RNF13: variants seen among roughly 807,000 people sequenced by gnomAD.
The protein encoded by RNF13 is ring finger protein 13, also known as E3 ubiquitin-protein ligase RNF13.
RNF13 carries 19 observed loss-of-function variants against 37.7 expected under a neutral mutation model. The observed-to-expected ratio is 0.50, with a 90% CI of 0.35 to 0.74. The LOEUF is 0.74. RNF13 is among the 30% of genes least tolerant of loss of function. RNF13 has a pLI of 0.01. For synonymous variants in RNF13, 144 were observed against 157.8 expected (o/e 0.91, Z 0.65); for missense variants, 375 against 453.0 (o/e 0.83, Z 1.56).
chr3:149,895,851 A>T (rs16862289), intron 5 of RNF13, among the ~76,000 whole-genome samples: 1 of 152,172 alleles, frequency 6.6e-6, no homozygotes, highest in Non-Finnish European at 1.5e-5. Flanking sequence ...TAAGAATGCC[A>T]TAGAGGGTGT....
chr3:149,823,272 T>C (rs1720171569), intron 1 of RNF13, among the ~76,000 whole-genome samples: 1 of 152,090 alleles, frequency 6.6e-6, no homozygotes, highest in African/African-American at 2.4e-5. Context: ...GAACCTACTA[T>C]AGAGTTGTGA....
At chr3:149,914,218 ATCT>A (rs1214636614) in intron 7 of RNF13, among the ~76,000 whole-genome samples, 1 of 151,702 alleles carries the variant, frequency 6.6e-6, no homozygotes, top group Non-Finnish European at 1.5e-5. Context: ...CTTGACTACT[ATCT>A]TGTACTATAA....
At chr3:149,823,999 A>G (rs1373577170) in intron 1 of RNF13, among the ~76,000 whole-genome samples, 2 of 152,212 alleles carry the variant, frequency 1.3e-5, no homozygotes, top group Non-Finnish European at 2.9e-5. Flanking sequence ...AGTACAAGGC[A>G]GGACTGGAAA....
intron 4 of RNF13, among the ~76,000 whole-genome samples, chr3:149,884,884 T>C (rs1713844417): frequency 6.6e-6 from 1 of 151,768 alleles, no homozygotes; most frequent in Admixed American, 6.6e-5. Context: ...TTTGTACCCA[T>C]TAACCATCCC....
intron 4 of RNF13, among the ~76,000 whole-genome samples, chr3:149,879,965 G>T (rs1576812027): frequency 6.6e-6 from 1 of 152,188 alleles, no homozygotes; most frequent in Admixed American, 6.5e-5. Flanking sequence ...ATTCTTGGGA[G>T]TAGAGCTTAT....
At chr3:149,899,290 A>G (rs1715576309) in intron 5 of RNF13, among the ~76,000 whole-genome samples, 2 of 152,088 alleles carry the variant, frequency 1.3e-5, no homozygotes, top group South Asian at 2.1e-4. Context: ...TACTAAATAT[A>G]TAAAAAATTA....
At chr3:149,818,453 A>T (rs1719687814) in intron 1 of RNF13, among the ~76,000 whole-genome samples, 1 of 152,156 alleles carries the variant, frequency 6.6e-6, no homozygotes, top group South Asian at 2.1e-4. Context: ...CCTTCCTCCC[A>T]GTGGAATGGC....
At chr3:149,928,556 A>G (rs1205028307) in intron 8 of RNF13, among the ~76,000 whole-genome samples, 4 of 152,056 alleles carry the variant, frequency 2.6e-5, no homozygotes, top group African/African-American at 9.7e-5. Flanking sequence ...GTCCCACACT[A>G]TTTTGATTAC....
chr3:149,921,078 C>T, intron 7 of RNF13, 56 bp from the exon 8 acceptor site: 2 of 621,606 alleles, frequency 3.2e-6, no homozygotes, highest in Non-Finnish European at 5.1e-6. Flanking sequence ...TTTTAATGGT[C>T]ACTTTCTCTT....
chr3:149,889,924 C>T (rs1159608086), intron 4 of RNF13, among the ~76,000 whole-genome samples: 2 of 152,320 alleles, frequency 1.3e-5, no homozygotes, highest in East Asian at 3.9e-4. Flanking sequence ...ATCTGCCCGC[C>T]TCAGCCTCCC....
chr3:149,844,560 A>G (rs966682866), intron 1 of RNF13, among the ~76,000 whole-genome samples: 2 of 152,228 alleles, frequency 1.3e-5, no homozygotes, highest in South Asian at 2.1e-4. Flanking sequence ...AAGTGTAGGC[A>G]CACTGAGCTG....
At chr3:149,828,418 A>G (rs1720709960) in intron 1 of RNF13, among the ~76,000 whole-genome samples, 1 of 152,250 alleles carries the variant, frequency 6.6e-6, no homozygotes. Context: ...TTTGGGAGAT[A>G]GATGACATTA....
At position 149,960,965 on chromosome 3, in the gene RNF13, CAG is replaced by C; in HGVS notation, c.1009_1010del (p.Glu337IlefsTer5). ...GAATCCCGCTCACATCAGAACATGA[CAG>C]AATCTTCAGACTATGAGGAAGACGA... On this transcript the variant is annotated frameshift_variant, in exon 10 of 10. Transcript: ENST00000392894. LOFTEE classifies it high-confidence loss of function. 1 of 1,614,186 alleles carries C rather than the reference CAG, an allele frequency of 6.2e-7. No individual in the cohort carries two copies. Among genetic ancestry groups the C allele is most frequent in the Non-Finnish European group, 8.5e-7 (1 of 1,180,026 alleles).
intron 4 of RNF13, chr3:149,893,940 T>C (rs1398492429): frequency 6.6e-6 from 1 of 152,220 alleles, no homozygotes; most frequent in Non-Finnish European, 1.5e-5. Flanking sequence ...TTATTTTAAT[T>C]AGTTTTTTAA....
rs371754014 is a variant in RNF13, at chr3:149,899,047, G to A, written c.410-3025G>A. Among the ~76,000 whole-genome samples the A allele has an allele frequency of 1.1e-4, 17 of 152,330 alleles. No homozygotes were observed. In the East Asian group the frequency reaches 1.4e-3, roughly 12 times the overall value. ...GTGTGGCATAAAGCCACAATGGCTA[G>A]AGTAGTGAACAAGGGAGGGAGTGGG... On this transcript the variant is annotated intron_variant, in intron 5 of 9. Transcript: ENST00000392894.
At chr3:149,923,696 G>A (rs1251162808) in intron 8 of RNF13, among the ~76,000 whole-genome samples, 2 of 148,344 alleles carry the variant, frequency 1.3e-5, no homozygotes, top group Non-Finnish European at 3.0e-5. Context: ...AACCCGGGAG[G>A]CAGAGGTTGC....
chr3:149,826,239 A>G (rs553087043), intron 1 of RNF13, among the ~76,000 whole-genome samples: 77 of 152,352 alleles, frequency 5.1e-4, no homozygotes, highest in African/African-American at 1.8e-3. Flanking sequence ...GTGGTTGATT[A>G]TAATGTGTTG....
intron 1 of RNF13, among the ~76,000 whole-genome samples, chr3:149,838,098 A>T (rs1355264963): frequency 6.6e-6 from 1 of 151,964 alleles, no homozygotes; most frequent in East Asian, 1.9e-4. Context: ...ATCTCCTTTG[A>T]CTCCTTGTCT....
At chr3:149,958,070 GGATT>G (rs1422353401) in intron 8 of RNF13, among the ~76,000 whole-genome samples, 1 of 152,078 alleles carries the variant, frequency 6.6e-6, no homozygotes, top group African/African-American at 2.4e-5. Flanking sequence ...ACAATTCAAA[GGATT>G]GATAAGAAAG....
Sources: gnomAD v4.1 joint callset for allele counts (sites outside exome capture counted in the v4.1 genomes callset) on GRCh38, gnomAD v4.1.1 for gene constraint, MANE v1.5 for transcripts, NCBI Gene and HGNC (gene_info 2026-07-23, HGNC 2026-07-21) for gene names.